ABCA4: variants seen among roughly 807,000 people sequenced by gnomAD.
ABCA4 encodes the protein ATP binding cassette subfamily A member 4.
Under a neutral mutation model 263.7 loss-of-function variants are expected in ABCA4, and 196 were observed. That is an observed-to-expected ratio of 0.74 (90% confidence interval 0.66 to 0.84). The LOEUF (loss-of-function observed/expected upper bound fraction) is 0.84. Ranked by LOEUF, ABCA4 falls within the 40% of genes least tolerant of loss-of-function variation. The pLI, the probability that ABCA4 is intolerant of heterozygous loss-of-function variation, is 0.00. For synonymous variants in ABCA4, 1,133 were observed against 1,094.2 expected (o/e 1.04, Z -0.70); for missense variants, 2,792 against 2,855.1 (o/e 0.98, Z 0.50).
chr1:94,082,995 G>A (rs1661741149), intron 7 of ABCA4, among the ~76,000 whole-genome samples: 1 of 152,222 alleles, frequency 6.6e-6, no homozygotes, highest in Non-Finnish European at 1.5e-5. Context: ...ATTATTGGCA[G>A]TATATATTTA....
At position 94,060,630 on chromosome 1, in the gene ABCA4, C is replaced by T. The variant is rs1198924706; in HGVS notation, c.2067G>A (p.Gln689=). The stretch of plus-strand genomic sequence containing the variant: ...ACCAAATCACTGCATTGGAGACACC[C>T]TGATTTTTCAAGGTCTCCTTCAGTC... ...ELRLKETLKN[Q]GVSNAVIWCT... The change falls in exon 14 of 50, where the codon CAG becomes CAA. Residue 689 remains glutamine, a synonymous_variant. Transcript: ENST00000370225. 2 of 1,614,118 alleles carry T rather than the reference C, an allele frequency of 1.2e-6. No homozygotes were observed. Among genetic ancestry groups the T allele is most frequent in the Non-Finnish European group, 1.7e-6 (2 of 1,180,008 alleles).
Position 94,080,492 on chromosome 1 carries a change from T to C in ABCA4, c.1085A>G (p.Tyr362Cys), listed in dbSNP as rs1661659953. 1 of 1,614,180 alleles carries C rather than the reference T, an allele frequency of 6.2e-7. No homozygotes were observed. Among genetic ancestry groups the C allele is most frequent in the African/African-American group, 1.3e-5 (1 of 75,040 alleles). ...DSTRKDPIYS[Y>C]DRRTTSFCNA... ...AGAAAACTTACTTGTTCTTCTGTCATAAGAATAGATAGGATCCTTCCTTGT... is the reference window on the plus strand; with the variant it reads ...AGAAAACTTACTTGTTCTTCTGTCACAAGAATAGATAGGATCCTTCCTTGT... Residue 362 changes from tyrosine (Y) to cysteine (C), a missense_variant, in exon 8 of 50, where the codon TAT becomes TGT. Physicochemically the swap from Tyr to Cys is radical, Grantham distance 194. Coordinates refer to ENST00000370225, the MANE Select transcript of ABCA4 (RefSeq NM_000350.3).
rs748334524 is a variant in ABCA4 at position 94,077,641 on chromosome 1, T to C, written c.1554+49A>G. 25 of 1,531,574 alleles carry C rather than the reference T, an allele frequency of 1.6e-5. No individual in the cohort carries two copies. The African/African-American group carries it at 2.9e-4, about 18-fold the overall frequency. The allele number at this position is 1,531,574 out of a possible 1,614,324, so 94.9% of individuals were successfully genotyped here. A position where few individuals can be genotyped will look rare whatever the true frequency, so the allele number is the denominator to read the frequency against. ...CTTGCTAAGGGAGCTCTGGCCCCAC[T>C]CATGGGGCTATCTTCAAGGGGCCCA... On this transcript the variant is annotated intron_variant, in intron 11 of 49. Coordinates refer to ENST00000370225, the MANE Select transcript of ABCA4 (RefSeq NM_000350.3).
intron 5 of ABCA4, among the ~76,000 whole-genome samples, chr1:94,100,889 G>GC (rs1662268219): frequency 6.6e-6 from 1 of 152,214 alleles, no homozygotes; most frequent in Admixed American, 6.5e-5. Flanking sequence ...CTGATAAGGA[G>GC]CCCCGGAACT....
chr1:94,080,562 A>C lies in ABCA4; in HGVS notation c.1015T>G (p.Trp339Gly), dbSNP rs61751420. ...GGGSRVLSFN[W>G]YEDNNYKAFL... ...GCCTTATAGTTATTGTCTTCATACC[A>C]GTTGAAGGAGAGCACCCGAGAGCCA... Residue 339 changes from tryptophan (W) to glycine (G), a missense_variant, in exon 8 of 50, where the codon TGG becomes GGG. By Grantham distance (184) the Trp-to-Gly change is radical. Coordinates refer to ENST00000370225, the MANE Select transcript of ABCA4 (RefSeq NM_000350.3). 4.3e-6 allele frequency: 7 copies of C among 1,614,130 alleles called. No individual in the cohort carries two copies. Among genetic ancestry groups the C allele is most frequent in the Non-Finnish European group, 5.9e-6 (7 of 1,180,004 alleles).
chr1:93,995,043 T>A (rs190378769), intron 49 of ABCA4, among the ~76,000 whole-genome samples: 13 of 152,350 alleles, frequency 8.5e-5, no homozygotes. Context: ...AATCACCAGA[T>A]CTATAAATGG....
chr1:94,095,291 C>G (rs147780637), intron 6 of ABCA4, among the ~76,000 whole-genome samples: 5 of 151,718 alleles, frequency 3.3e-5, no homozygotes, highest in East Asian at 2.0e-4. Flanking sequence ...CCAGCGCCCC[C>G]CTCCGATTCT....
chr1:94,030,587 A>G (rs1660172595), intron 28 of ABCA4, 61 bp from the exon 29 acceptor site: 3 of 1,488,172 alleles, frequency 2.0e-6, no homozygotes, highest in African/African-American at 1.4e-5. Context: ...CATGCAACTC[A>G]GAGCCTTTAC....
rs540609480 is a variant in ABCA4, at chr1:94,076,976, C to T, written c.1554+714G>A. ...CTGTTCGCTCCTCTTAATGGTCATG[C>T]GTGGGATCTTATTTAACCTCTTTAA... On this transcript the variant is annotated intron_variant, in intron 11 of 49. Transcript: ENST00000370225. 3.3e-4 allele frequency among the ~76,000 whole-genome samples: 51 copies of T among 152,308 alleles called. No homozygotes were observed. The South Asian group carries it at 8.7e-3, about 26-fold the overall frequency.
At chr1:94,027,538 A>G (rs1660075268) in intron 30 of ABCA4, among the ~76,000 whole-genome samples, 1 of 152,236 alleles carries the variant, frequency 6.6e-6, no homozygotes, top group Admixed American at 6.5e-5. Flanking sequence ...TGGGATCCCT[A>G]TGATGCAGCA....
rs556660667 is a variant in ABCA4 at position 94,062,836 on chromosome 1, T to A, written c.1761-83A>T. 36 of 1,430,474 alleles carry A rather than the reference T, an allele frequency of 2.5e-5. No individual in the cohort carries two copies. In the African/African-American group the frequency reaches 4.6e-4, roughly 18 times the overall value. 88.6% of individuals were successfully genotyped at this position (1,430,474 alleles called of 1,614,324 possible). ...TCCCGACCACAGGGTGACTCGGAAC[T>A]CATTCTCTTAAAATCTTTCTCCTAA... is the stretch of plus-strand genomic sequence containing the variant. On this transcript the variant is annotated intron_variant, in intron 12 of 49. Transcript: ENST00000370225.
At chr1:94,046,764 C>T (rs1186754698) in intron 19 of ABCA4, among the ~76,000 whole-genome samples, 155 bp downstream of exon 19, 1 of 152,240 alleles carries the variant, frequency 6.6e-6, no homozygotes, top group Admixed American at 6.5e-5. Context: ...TATTAGTGAT[C>T]TTTGAATACT....
chr1:94,114,408 T>C (rs1018015857), intron 1 of ABCA4, among the ~76,000 whole-genome samples: 5 of 152,142 alleles, frequency 3.3e-5, no homozygotes, highest in Non-Finnish European at 7.3e-5. Flanking sequence ...ACTCAAAATA[T>C]ATATAGGGAG....
intron 3 of ABCA4, among the ~76,000 whole-genome samples, chr1:94,109,825 C>T (rs996446768): frequency 5.3e-5 from 8 of 152,152 alleles, no homozygotes; most frequent in African/African-American, 1.4e-4. Context: ...AATGGGTTTC[C>T]GTGCCTTGCA....
rs61748519 is a variant in ABCA4, at chr1:94,001,885, G to A, written c.6255C>T (p.Leu2085=). Residue 2085 remains leucine, a synonymous_variant, in exon 45 of 50, where the codon CTC becomes CTT. Coordinates refer to ENST00000370225, the MANE Select transcript of ABCA4 (RefSeq NM_000350.3). ...GCAGCACCAGCGGTGGGCAGCCAAT[G>A]AGTGCGATGGCTGTGGAGAGTTTCC... The part of the protein sequence containing the change: ...NKRKLSTAIA[L]IGCPPLVLLD... 2,148 of 1,614,208 alleles carry A rather than the reference G, an allele frequency of 1.3e-3. 20 individuals are homozygous for A. In the East Asian group the frequency reaches 0.017, roughly 12 times the overall value.
chr1:94,120,895 A>AGC, intron 1 of ABCA4, 85 bp downstream of exon 1: 1 of 152,642 alleles, frequency 6.6e-6, no homozygotes, highest in East Asian at 1.7e-4. Context: ...CTGCCCCACC[A>AGC]CCCTACCCCA....
intron 7 of ABCA4, 66 bp from the exon 8 acceptor site, chr1:94,080,784 A>G (rs936914995): frequency 1.2e-6 from 2 of 1,604,434 alleles, no homozygotes; most frequent in Non-Finnish European, 1.7e-6. Context: ...TGTGAGGCCA[A>G]TGCTCCAACG....
rs376408071 is a variant in ABCA4, at chr1:94,043,856, A to G, written c.3051-381T>C. On this transcript the variant is annotated intron_variant, in intron 20 of 49. Transcript: ENST00000370225. ...CATTTTGAAGTATATGTGTTTATCTATCTATACATGTATAGGAGAAAGTTC... is the reference window on the plus strand; with the variant it reads ...CATTTTGAAGTATATGTGTTTATCTGTCTATACATGTATAGGAGAAAGTTC... 8.8e-4 allele frequency among the ~76,000 whole-genome samples: 134 copies of G among 152,308 alleles called. 4 individuals are homozygous for G. Among genetic ancestry groups the G allele is most frequent in the South Asian group, 2.7e-3 (13 of 4,824 alleles).
Position 94,015,925 on chromosome 1 carries a change from T to C in ABCA4, c.5197-71A>G, listed in dbSNP as rs964509161. On this transcript the variant is annotated intron_variant, in intron 36 of 49. Transcript: ENST00000370225. ...GCTGCCAGCTCTGCAAAATGAGGGG[T>C]GGGGCCAGGCTCCTCCAGCTCGTAG... The C allele has an allele frequency of 4.5e-6, 6 of 1,337,984 alleles. No individual in the cohort carries two copies. In the Admixed American group the frequency reaches 9.7e-5, roughly 22 times the overall value. 82.9% of individuals were successfully genotyped at this position (1,337,984 alleles called of 1,614,324 possible).
Sources: gnomAD v4.1 joint callset for allele counts (sites outside exome capture counted in the v4.1 genomes callset) on GRCh38, gnomAD v4.1.1 for gene constraint, MANE v1.5 for transcripts, NCBI Gene and HGNC (gene_info 2026-07-23, HGNC 2026-07-21) for gene names.